Variants in USP24 observed in about 807,000 individuals in gnomAD.
USP24 encodes the protein ubiquitin carboxyl-terminal hydrolase 24.
In USP24, 97 loss-of-function variants were observed where a neutral mutation model predicts 361.6. The observed-to-expected ratio is 0.27, with a 90% CI of 0.23 to 0.32. The LOEUF (loss-of-function observed/expected upper bound fraction) is 0.32, where lower values mean the gene tolerates loss of function less well. Ranked by LOEUF, USP24 falls within the 10% of genes least tolerant of loss-of-function variation. USP24 has a pLI of 1.00. For missense variants in USP24, 2,353 were observed against 3,165.6 expected, an observed-to-expected ratio of 0.74 and a Z score of 6.16; for synonymous variants, 1,098 against 1,124.6, an observed-to-expected ratio of 0.98 and a Z score of 0.47.
intron 46 of USP24, 100 bp downstream of exon 46, chr1:55,098,376 G>A: frequency 9.6e-7 from 1 of 1,040,794 alleles, no homozygotes. Context: ...GACAGGGAGA[G>A]AGTTCTAAGT....
intron 39 of USP24, among the ~76,000 whole-genome samples, chr1:55,108,947 G>C (rs962461237): frequency 1.3e-5 from 2 of 152,278 alleles, no homozygotes; most frequent in East Asian, 3.9e-4. Flanking sequence ...CCCTCTCCAC[G>C]AGACCAATTC....
intron 36 of USP24, among the ~76,000 whole-genome samples, chr1:55,122,910 G>A (rs1343402328): frequency 1.3e-5 from 2 of 152,090 alleles, no homozygotes; most frequent in Admixed American, 6.6e-5. Context: ...AAATTTAGGT[G>A]TTGTCAACAT....
intron 32 of USP24, 85 bp from the exon 33 acceptor site, chr1:55,125,843 A>T (rs1646413386): frequency 3.7e-6 from 4 of 1,087,622 alleles, no homozygotes; most frequent in Non-Finnish European, 5.3e-6. Context: ...GTAATCAGTC[A>T]TCATCAATTA....
chr1:55,126,957 TTTTTC>T, intron 32 of USP24, among the ~76,000 whole-genome samples: 1 of 152,316 alleles, frequency 6.6e-6, no homozygotes, highest in East Asian at 1.9e-4. Context: ...CATTTACCCA[TTTTTC>T]TTTTATCTTT....
intron 1 of USP24, among the ~76,000 whole-genome samples, chr1:55,202,541 A>C (rs1479429977): frequency 1.3e-5 from 2 of 151,996 alleles, no homozygotes; most frequent in African/African-American, 2.4e-5. Context: ...AATAGCTGGG[A>C]CTACAGGCAC....
intron 38 of USP24, among the ~76,000 whole-genome samples, chr1:55,116,319 T>C (rs967101881): frequency 7.7e-5 from 11 of 143,096 alleles, no homozygotes; most frequent in African/African-American, 2.9e-4. Context: ...TGGAAATAAA[T>C]AAAATAAAGA....
At chr1:55,204,208 A>G (rs956377693) in intron 1 of USP24, among the ~76,000 whole-genome samples, 1 of 152,128 alleles carries the variant, frequency 6.6e-6, no homozygotes, top group Non-Finnish European at 1.5e-5. Context: ...AATTACCAAC[A>G]TTTCTCTAAA....
intron 56 of USP24, among the ~76,000 whole-genome samples, chr1:55,085,240 T>C (rs933229345): frequency 6.6e-6 from 1 of 152,140 alleles, no homozygotes; most frequent in African/African-American, 2.4e-5. Context: ...AACTAAGTGC[T>C]TGGGTGGCAG....
Position 55,071,826 on chromosome 1 carries a change from C to G in USP24, c.7788G>C (p.Arg2596Ser). The change falls in exon 67 of 68, where the codon AGG (arginine) becomes AGC (serine). Residue 2596 changes from arginine (R) to serine (S), a missense_variant. Physicochemically the swap from Arg to Ser is moderately radical, Grantham distance 110. Coordinates refer to ENST00000294383, the MANE Select transcript of USP24 (RefSeq NM_015306.3). ...CTGACCGTTATACCTGCTGTAGATGCCTGTCTCCGTTCTCATTGGCAGGAC... is the reference window on the plus strand; with the variant it reads ...CTGACCGTTATACCTGCTGTAGATGGCTGTCTCCGTTCTCATTGGCAGGAC... ...ESSPANENGDRHLQQGSESPM... is the reference protein window; with the variant it reads ...ESSPANENGDSHLQQGSESPM... The G allele has an allele frequency of 1.2e-6, 2 of 1,612,628 alleles. No homozygotes were observed. Among genetic ancestry groups the G allele is most frequent in the South Asian group, 2.2e-5 (2 of 90,508 alleles).
intron 1 of USP24, among the ~76,000 whole-genome samples, chr1:55,201,085 G>A (rs1279732570): frequency 6.6e-6 from 1 of 152,128 alleles, no homozygotes; most frequent in African/African-American, 2.4e-5. Flanking sequence ...TCTGCCAAAA[G>A]ACTACAAAAA....
In USP24 at chr1:55,068,997, G is replaced by A; in HGVS notation, c.*48C>T. 1 of 1,593,764 alleles carries A rather than the reference G, an allele frequency of 6.3e-7. No homozygotes were observed. Among genetic ancestry groups the A allele is most frequent in the Non-Finnish European group, 8.6e-7 (1 of 1,161,928 alleles). ...GAGATTCTGATTCCAAGAAGGTGCT[G>A]AGCATCCAGTATTGTGTCTTGACTC... On this transcript the variant is annotated 3_prime_UTR_variant, in exon 68 of 68. Coordinates refer to ENST00000294383, the MANE Select transcript of USP24 (RefSeq NM_015306.3).
chr1:55,106,105 G>T, intron 41 of USP24, 41 bp downstream of exon 41: 2 of 1,523,556 alleles, frequency 1.3e-6, no homozygotes, highest in South Asian at 1.2e-5. Flanking sequence ...TTTCAAATTA[G>T]AATTTTTACC....
At chr1:55,144,977 C>T (rs1212087293) in intron 20 of USP24, among the ~76,000 whole-genome samples, 1 of 152,036 alleles carries the variant, frequency 6.6e-6, no homozygotes, top group Non-Finnish European at 1.5e-5. Flanking sequence ...TTTGATACCA[C>T]TTTATACCCA....
In USP24 at chr1:55,157,324, T is replaced by G; in HGVS notation, c.1274A>C (p.Asn425Thr). 1 of 1,601,222 alleles carries G rather than the reference T, an allele frequency of 6.2e-7. No individual in the cohort carries two copies. Among genetic ancestry groups the G allele is most frequent in the Non-Finnish European group, 8.5e-7 (1 of 1,176,442 alleles). ...EDSTLSKSVK[N>T]AIDTDRLLDW... ...TAATAATCTGTCTGTATCTATAGCA[T>G]TCTTCACAGATTTGGATAAAGTGCT... Residue 425 changes from asparagine to threonine, a missense_variant, in exon 11 of 68, where the codon AAT becomes ACT. By Grantham distance (65) the Asn-to-Thr change is moderately conservative (BLOSUM62 0). This residue lies in a region of USP24 where 386 missense variants were observed against 560.5 expected (regional missense o/e 0.69). Transcript: ENST00000294383.
At chr1:55,074,649 A>C (rs1004806494) in intron 63 of USP24, among the ~76,000 whole-genome samples, 5 of 148,978 alleles carry the variant, frequency 3.4e-5, no homozygotes, top group African/African-American at 1.2e-4. Context: ...TAAATAAATA[A>C]ATAAATAAAT....
intron 1 of USP24, among the ~76,000 whole-genome samples, chr1:55,191,635 C>T (rs1003932195): frequency 5.3e-5 from 8 of 151,912 alleles, no homozygotes; most frequent in Non-Finnish European, 7.4e-5. Flanking sequence ...GGATTACAGG[C>T]GCCTGCCACC....
At chr1:55,142,061 G>T (rs895643374) in intron 23 of USP24, among the ~76,000 whole-genome samples, 2 of 152,140 alleles carry the variant, frequency 1.3e-5, no homozygotes, top group Non-Finnish European at 1.5e-5. Context: ...TATTTGGATA[G>T]AAGTCACAAT....
chr1:55,142,731 T>G lies in USP24; in HGVS notation c.2634+11A>C. 6.7e-7 allele frequency: 1 copy of G among 1,489,334 alleles called. No homozygotes were observed. The allele number at this position is 1,489,334 out of a possible 1,614,324, so 92.3% of individuals were successfully genotyped here. On this transcript the variant is annotated intron_variant, in intron 23 of 67. Transcript: ENST00000294383. ...ACCTCAAAGAGATGTTAAATAAAAT[T>G]TGCTACTCACTTCTAATCTTGTGTA... is the stretch of plus-strand genomic sequence containing the variant.
intron 56 of USP24, 133 bp from the exon 57 acceptor site, chr1:55,084,021 G>T: frequency 1.4e-6 from 1 of 706,322 alleles, no homozygotes; most frequent in Non-Finnish European, 2.4e-6. Context: ...GATTCAGATG[G>T]ACTTATGCTT....
Sources: gnomAD v4.1 joint callset for allele counts (sites outside exome capture counted in the v4.1 genomes callset) on GRCh38, gnomAD v4.1.1 for gene constraint, gnomAD v4.1.1 regional missense constraint, MANE v1.5 for transcripts, NCBI Gene and HGNC (gene_info 2026-07-23, HGNC 2026-07-21) for gene names.